SLIT1: variants seen among roughly 807,000 people sequenced by gnomAD.
SLIT1 encodes slit guidance ligand 1.
Under a neutral mutation model 186.1 loss-of-function variants are expected in SLIT1, and 66 were observed. The observed-to-expected ratio is 0.35, with a 90% CI of 0.29 to 0.44. The LOEUF is 0.44. SLIT1 is among the 20% of genes least tolerant of loss of function. SLIT1 has a pLI of 1.00. For synonymous variants in SLIT1, 761 were observed against 833.8 expected, an observed-to-expected ratio of 0.91 and a Z score of 1.50; for missense variants, 1,638 against 2,037.4, an observed-to-expected ratio of 0.80 and a Z score of 3.77.
chr10:97,040,599 A>G (rs1848682353), intron 20 of SLIT1, among the ~76,000 whole-genome samples: 1 of 152,084 alleles, frequency 6.6e-6, no homozygotes. Context: ...AGCCCTCAAA[A>G]CAGATGAGTT....
intron 12 of SLIT1, 73 bp downstream of exon 12, chr10:97,057,137 G>T: frequency 8.2e-7 from 1 of 1,216,702 alleles, no homozygotes; most frequent in South Asian, 1.3e-5. Context: ...GGCCTAAAGG[G>T]ACAGTCTAGC....
At chr10:97,052,846 T>C (rs1212447905) in intron 13 of SLIT1, among the ~76,000 whole-genome samples, 2 of 152,230 alleles carry the variant, frequency 1.3e-5, no homozygotes, top group Non-Finnish European at 2.9e-5. Context: ...TACCTGATAG[T>C]ACCTTGGATT....
intron 4 of SLIT1, among the ~76,000 whole-genome samples, chr10:97,083,039 C>A (rs931138223): frequency 1.3e-5 from 2 of 152,156 alleles, no homozygotes; most frequent in African/African-American, 4.8e-5. Flanking sequence ...TCTGCCTCAG[C>A]CTGCAGAGTA....
At chr10:97,147,988 C>T (rs960721766) in intron 4 of SLIT1, among the ~76,000 whole-genome samples, 4 of 152,174 alleles carry the variant, frequency 2.6e-5, no homozygotes, top group Non-Finnish European at 5.9e-5. Context: ...TTTCTTCTTG[C>T]TGTTTCTCTA....
intron 11 of SLIT1, 33 bp downstream of exon 11, chr10:97,059,427 G>A (rs755544679): frequency 1.3e-6 from 2 of 1,584,144 alleles, no homozygotes; most frequent in East Asian, 2.2e-5. Flanking sequence ...GGATGCCCTG[G>A]GCCACTGAGG....
intron 25 of SLIT1, among the ~76,000 whole-genome samples, chr10:97,029,839 G>T (rs960321238): frequency 6.6e-6 from 1 of 152,114 alleles, no homozygotes; most frequent in African/African-American, 2.4e-5. Context: ...TTGTCTCTAT[G>T]AATTTGACTG....
intron 4 of SLIT1, among the ~76,000 whole-genome samples, chr10:97,156,844 C>T (rs549977475): frequency 1.5e-5 from 1 of 65,826 alleles, no homozygotes; most frequent in Non-Finnish European, 3.7e-5. Flanking sequence ...GGTGCTGACC[C>T]ATAGCTCCTT....
chr10:97,161,902 C>T (rs1388978840), intron 3 of SLIT1, among the ~76,000 whole-genome samples: 2 of 152,160 alleles, frequency 1.3e-5, no homozygotes, highest in Non-Finnish European at 2.9e-5. Context: ...CTCTGTGTAC[C>T]TCTCTTTCTC....
chr10:97,124,900 A>G (rs1472281961), intron 4 of SLIT1, among the ~76,000 whole-genome samples: 1 of 152,274 alleles, frequency 6.6e-6, no homozygotes, highest in African/African-American at 2.4e-5. Context: ...TGAAGATGGA[A>G]TAGAGAAATA....
intron 4 of SLIT1, among the ~76,000 whole-genome samples, chr10:97,082,165 C>A (rs1411374711): frequency 2.6e-5 from 4 of 152,240 alleles, no homozygotes; most frequent in African/African-American, 9.6e-5. Flanking sequence ...CGCTGCCTGC[C>A]TGAACACAGA....
chr10:97,011,817 G>C (rs1848413425), intron 30 of SLIT1, among the ~76,000 whole-genome samples: 1 of 151,966 alleles, frequency 6.6e-6, no homozygotes, highest in Non-Finnish European at 1.5e-5. Flanking sequence ...GCACTTCCCT[G>C]CCTTCACACC....
At position 97,068,911 on chromosome 10, in the gene SLIT1, C is replaced by T. The variant is rs1374434011; in HGVS notation, c.414-2825G>A. On this transcript the variant is annotated intron_variant, in intron 4 of 36. Coordinates refer to ENST00000266058, the MANE Select transcript of SLIT1 (RefSeq NM_003061.3). This position sits in a 1 kb window ranked among gnomAD's most constrained non-coding sequence, Gnocchi z 4.2. ...CCCCAGCCCCATATGTCTTGAGAGG[C>T]TCATTTCAGTCTTTGCCTGCCTAAT... Among the ~76,000 whole-genome samples, 1 of 152,212 alleles carries T rather than the reference C, an allele frequency of 6.6e-6. No individual in the cohort carries two copies. Among genetic ancestry groups the T allele is most frequent in the Non-Finnish European group, 1.5e-5 (1 of 68,038 alleles).
chr10:97,116,704 T>C (rs1024697814), intron 4 of SLIT1, among the ~76,000 whole-genome samples: 1 of 152,208 alleles, frequency 6.6e-6, no homozygotes, highest in Non-Finnish European at 1.5e-5. Context: ...CAGGTGTTCC[T>C]GCCTCCTCTC....
intron 32 of SLIT1, among the ~76,000 whole-genome samples, chr10:97,005,839 A>G (rs1848355414): frequency 6.6e-6 from 1 of 152,156 alleles, no homozygotes; most frequent in Non-Finnish European, 1.5e-5. Context: ...AGAGGGAAGA[A>G]AGATGTGGCA....
At position 97,040,107 on chromosome 10, in the gene SLIT1, C is replaced by G. The variant is rs1487811453; in HGVS notation, c.2178G>C (p.Gly726=). The G allele has an allele frequency of 1.3e-6, 2 of 1,580,606 alleles. No individual in the cohort carries two copies. Among genetic ancestry groups the G allele is most frequent in the Non-Finnish European group, 1.7e-6 (2 of 1,164,084 alleles). ...GGCACTGTGGGCGGGGCAGGCAGCC[C>G]CCCTCCTCCTGGCCTAGGGAAGAAG... The part of the protein sequence containing the change: ...DFRCEEGQEE[G]GCLPRPQCPQ... Residue 726 remains glycine, a synonymous_variant, in exon 21 of 37, where the codon GGG becomes GGC. Transcript: ENST00000266058.
In SLIT1 at chr10:97,014,328, G is replaced by A. The variant is rs1564653692; in HGVS notation, c.2970-170C>T. Among the ~76,000 whole-genome samples, 3 of 152,198 alleles carry A rather than the reference G, an allele frequency of 2.0e-5. No homozygotes were observed. The South Asian group carries it at 6.2e-4, about 32-fold the overall frequency. On this transcript the variant is annotated intron_variant, in intron 28 of 36. Coordinates refer to ENST00000266058, the MANE Select transcript of SLIT1 (RefSeq NM_003061.3). Reference sequence around the variant, plus strand: ...TGACCAAGACTGACCATGCCCTCATGGGATTCACTCACAGTCTAGTGGGGA... The same window carrying A: ...TGACCAAGACTGACCATGCCCTCATAGGATTCACTCACAGTCTAGTGGGGA...
rs903657191 is a variant in SLIT1, at chr10:97,184,994, C to T, written c.197+484G>A. Among the ~76,000 whole-genome samples the T allele has an allele frequency of 2.6e-5, 4 of 152,240 alleles. No homozygotes were observed. The highest frequency in any genetic ancestry group is 7.2e-5 in the African/African-American group (3 of 41,468). On this transcript the variant is annotated intron_variant, in intron 1 of 36. Coordinates refer to ENST00000266058, the MANE Select transcript of SLIT1 (RefSeq NM_003061.3). This position sits in a 1 kb window ranked among gnomAD's most constrained non-coding sequence, Gnocchi z 4.4. ...AGAAGAAGGGGCAGACCAGAAACTTCGCCTCCATCCCACCCTGCTGCCCTT... is the reference window on the plus strand; with the variant it reads ...AGAAGAAGGGGCAGACCAGAAACTTTGCCTCCATCCCACCCTGCTGCCCTT...
In SLIT1 at chr10:97,052,542, C is replaced by T. The variant is rs898661026; in HGVS notation, c.1302-3424G>A. ...TGATGGAAACGTTCTAAAGTTGAAT[C>T]GTAGTGATAGTTGAATTCTGGAAAT... On this transcript the variant is annotated intron_variant, in intron 13 of 36. Coordinates refer to ENST00000266058, the MANE Select transcript of SLIT1 (RefSeq NM_003061.3). Among the ~76,000 whole-genome samples, 3 of 152,172 alleles carry T rather than the reference C, an allele frequency of 2.0e-5. No individual in the cohort carries two copies. The South Asian group carries it at 6.2e-4, about 32-fold the overall frequency.
chr10:97,169,157 C>G (rs2784918), intron 1 of SLIT1, among the ~76,000 whole-genome samples: 111,092 of 152,098 alleles, frequency 0.73, 41,460 homozygotes, highest in Non-Finnish European at 0.82. Context: ...CACAGCCTCT[C>G]CCCTGGGGGC....
Sources: gnomAD v4.1 joint callset for allele counts (sites outside exome capture counted in the v4.1 genomes callset) on GRCh38, gnomAD v4.1.1 for gene constraint, Gnocchi (gnomAD v3.1) non-coding constraint, MANE v1.5 for transcripts, NCBI Gene and HGNC (gene_info 2026-07-23, HGNC 2026-07-21) for gene names.